GRIK3: variants seen among roughly 807,000 people sequenced by gnomAD.
GRIK3 encodes the protein glutamate receptor ionotropic, kainate 3.
Under a neutral mutation model 102.5 loss-of-function variants are expected in GRIK3, and 29 were observed. The ratio of observed to expected loss-of-function variants is 0.28; its 90% CI spans 0.21 to 0.39. The LOEUF is 0.39. GRIK3 is among the 10% of genes least tolerant of loss of function. The probability of loss-of-function intolerance (pLI) is 1.00; values close to 1 mark genes in which losing one functional copy is unlikely to be tolerated. For synonymous variants in GRIK3, 511 were observed against 504.9 expected, an observed-to-expected ratio of 1.01 and a Z score of -0.16; for missense variants, 908 against 1,252.4, an observed-to-expected ratio of 0.73 and a Z score of 4.15.
chr1:36,881,736 C>G (rs752825503), intron 2 of GRIK3, among the ~76,000 whole-genome samples: 6 of 152,222 alleles, frequency 3.9e-5, no homozygotes, highest in Non-Finnish European at 8.8e-5. Context: ...GATTACGTCA[C>G]TCCTTTGCTT....
At chr1:37,024,014 A>G (rs1033054711) in intron 1 of GRIK3, among the ~76,000 whole-genome samples, 2 of 152,270 alleles carry the variant, frequency 1.3e-5, no homozygotes, top group African/African-American at 2.4e-5. Flanking sequence ...GAAAAGTTAT[A>G]GATCAGCAGC....
chr1:36,828,113 G>A (rs1004308797), intron 10 of GRIK3, among the ~76,000 whole-genome samples: 2 of 151,912 alleles, frequency 1.3e-5, no homozygotes, highest in Non-Finnish European at 2.9e-5. Context: ...GTAGAGTGGT[G>A]AGCAAGAGAC....
intron 10 of GRIK3, among the ~76,000 whole-genome samples, chr1:36,829,733 C>G (rs140153062): frequency 2.0e-5 from 3 of 152,236 alleles, no homozygotes; most frequent in Admixed American, 6.5e-5. Context: ...GGTCACCTGG[C>G]CCCCACCCAT....
At chr1:36,890,846 G>C in intron 2 of GRIK3, 74 bp downstream of exon 2, 1 of 1,225,052 alleles carries the variant, frequency 8.2e-7, no homozygotes, top group Non-Finnish European at 1.1e-6. Context: ...CCATTCCCAG[G>C]ATCTTGGACA....
rs1642386121 is a variant in GRIK3, at chr1:36,797,863, A to G, written c.*3988T>C. On this transcript the variant is annotated 3_prime_UTR_variant, in exon 16 of 16. Transcript: ENST00000373091. ...GCTTTTGATCGTTCTTGGTGAGTGC[A>G]CGCCTGGTGGAGGGGAGCAACTTCT... 6.6e-6 allele frequency: 1 copy of G among 152,364 alleles called. No individual in the cohort carries two copies. The highest frequency in any genetic ancestry group is 2.4e-5 in the African/African-American group (1 of 41,456). 9.4% of individuals were successfully genotyped at this position (152,364 alleles called of 1,614,324 possible).
intron 8 of GRIK3, among the ~76,000 whole-genome samples, chr1:36,851,748 G>A (rs553223050): frequency 5.9e-5 from 9 of 152,350 alleles, no homozygotes; most frequent in African/African-American, 2.2e-4. Context: ...CTCTGCCCAG[G>A]GATAATAGAG....
rs552257866 is a variant in GRIK3 at position 36,994,709 on chromosome 1, A to G, written c.115+39285T>C. Among the ~76,000 whole-genome samples the G allele has an allele frequency of 2.6e-5, 4 of 152,328 alleles. No individual in the cohort carries two copies. In the South Asian group the frequency reaches 6.2e-4, roughly 24 times the overall value. On this transcript the variant is annotated intron_variant, in intron 1 of 15. Transcript: ENST00000373091. ...CCTCTATTGTAGAGCCTTTATTTTT[A>G]ATAATGCCATCCAGAATTTTTGGAT...
chr1:36,853,862 A>G, intron 7 of GRIK3, 140 bp from the exon 8 acceptor site: 2 of 636,568 alleles, frequency 3.1e-6, no homozygotes, highest in South Asian at 1.9e-5. Context: ...AATCACCTCC[A>G]TCATTGCTCG....
At chr1:36,812,564 C>T (rs768440097) in intron 13 of GRIK3, among the ~76,000 whole-genome samples, 11 of 151,998 alleles carry the variant, frequency 7.2e-5, no homozygotes, top group Non-Finnish European at 1.5e-4. Context: ...TCTTCCAAGA[C>T]GGAGGGAGGA....
intron 1 of GRIK3, among the ~76,000 whole-genome samples, chr1:36,942,823 G>A (rs1451010298): frequency 6.6e-6 from 1 of 152,136 alleles, no homozygotes; most frequent in South Asian, 2.1e-4. Context: ...CATCCCAGGA[G>A]AACTGAGGTG....
At chr1:36,841,982 T>A in intron 9 of GRIK3, 43 bp from the exon 10 acceptor site, 1 of 1,521,922 alleles carries the variant, frequency 6.6e-7, no homozygotes, top group Non-Finnish European at 9.1e-7. Flanking sequence ...ACTGAGCAGC[T>A]AGGGCGGAGG....
At position 36,859,091 on chromosome 1, in the gene GRIK3, G is replaced by A. The variant is rs1338147924; in HGVS notation, c.1104+17C>T. 1.3e-6 allele frequency: 2 copies of A among 1,595,248 alleles called. No individual in the cohort carries two copies. Among genetic ancestry groups the A allele is most frequent in the African/African-American group, 2.7e-5 (2 of 74,552 alleles). On this transcript the variant is annotated intron_variant, in intron 7 of 15. Transcript: ENST00000373091. Reference sequence around the variant, plus strand: ...GTCCCGGGGAGACAACACTGGTGGGGGCTGTGGGGCACTCACCTCCTTGAT... The same window carrying A: ...GTCCCGGGGAGACAACACTGGTGGGAGCTGTGGGGCACTCACCTCCTTGAT...
intron 1 of GRIK3, among the ~76,000 whole-genome samples, chr1:37,000,882 G>A (rs1006831299): frequency 1.3e-5 from 2 of 152,220 alleles, no homozygotes; most frequent in Non-Finnish European, 2.9e-5. Flanking sequence ...GCCCAAGGGA[G>A]TCTTTCATCT....
intron 6 of GRIK3, 82 bp from the exon 7 acceptor site, chr1:36,859,333 C>A: frequency 6.9e-7 from 1 of 1,439,024 alleles, no homozygotes; most frequent in South Asian, 1.3e-5. Context: ...CTTCTCCTCC[C>A]TTGCCACAGG....
chr1:36,918,315 C>T (rs978539915), intron 1 of GRIK3, among the ~76,000 whole-genome samples: 4 of 152,188 alleles, frequency 2.6e-5, no homozygotes, highest in Non-Finnish European at 5.9e-5. Flanking sequence ...TATATCAGGA[C>T]CCCACCTACC....
chr1:36,805,002 T>C lies in GRIK3; in HGVS notation c.2550A>G (p.Thr850=). 1 of 1,614,218 alleles carries C rather than the reference T, an allele frequency of 6.2e-7. No homozygotes were observed. Among genetic ancestry groups the C allele is most frequent in the Non-Finnish European group, 8.5e-7 (1 of 1,180,034 alleles). Residue 850 remains threonine, a synonymous_variant, in exon 15 of 16, where the codon ACA becomes ACG. Coordinates refer to ENST00000373091, the MANE Select transcript of GRIK3 (RefSeq NM_000831.4). ...TAAGGCTTACCTGCTCTCTCTCTGCTGTTTTGCGGAGCTTGTACACAAACT... is the reference window on the plus strand; with the variant it reads ...TAAGGCTTACCTGCTCTCTCTCTGCCGTTTTGCGGAGCTTGTACACAAACT... ...VGEFVYKLRK[T]AEREQRSFCS... is the part of the protein sequence containing the mutation.
intron 1 of GRIK3, among the ~76,000 whole-genome samples, chr1:37,029,197 C>T (rs541575492): frequency 6.6e-6 from 1 of 152,334 alleles, no homozygotes; most frequent in African/African-American, 2.4e-5. Flanking sequence ...GCATCAGCTC[C>T]GTTTCCATAC....
intron 1 of GRIK3, among the ~76,000 whole-genome samples, chr1:37,018,851 A>G (rs1430752536): frequency 6.6e-6 from 1 of 152,190 alleles, no homozygotes; most frequent in Non-Finnish European, 1.5e-5. Flanking sequence ...AATTTTTTTA[A>G]AAAAGAAAAT....
chr1:36,799,930 C>T lies in GRIK3; in HGVS notation c.*1921G>A, dbSNP rs1642421542. 6.6e-6 allele frequency: 1 copy of T among 152,318 alleles called. No homozygotes were observed. The highest frequency in any genetic ancestry group is 1.5e-5 in the Non-Finnish European group (1 of 68,134). The allele number at this position is 152,318 out of a possible 1,614,324, so 9.4% of individuals were successfully genotyped here. The stretch of plus-strand genomic sequence containing the variant: ...CACACATGCACACGCCCTCTGTACC[C>T]TGAAGCTTATGACAGCATGGCTTTT... On this transcript the variant is annotated 3_prime_UTR_variant, in exon 16 of 16. Coordinates refer to ENST00000373091, the MANE Select transcript of GRIK3 (RefSeq NM_000831.4).
Sources: gnomAD v4.1 joint callset for allele counts (sites outside exome capture counted in the v4.1 genomes callset) on GRCh38, gnomAD v4.1.1 for gene constraint, MANE v1.5 for transcripts, NCBI Gene and HGNC (gene_info 2026-07-23, HGNC 2026-07-21) for gene names.